UGT1A7: variants seen among roughly 807,000 people sequenced by gnomAD.
The protein encoded by UGT1A7 is UDP-glucuronosyltransferase 1A7.
UGT1A7 carries 33 observed loss-of-function variants against 45.6 expected under a neutral mutation model. The ratio of observed to expected loss-of-function variants is 0.72; its 90% CI spans 0.55 to 0.97. UGT1A7 has a LOEUF of 0.97. Ranked by LOEUF, UGT1A7 falls within the 50% of genes least tolerant of loss-of-function variation. The pLI is 0.00. For missense variants in UGT1A7, 684 were observed against 666.2 expected (o/e 1.03, Z -0.29); for synonymous variants, 274 against 250.6 (o/e 1.09, Z -0.88).
At chr2:233,717,649 C>G in intron 1 of UGT1A7, 1 of 403,118 alleles carries the variant, frequency 2.5e-6, no homozygotes, top group East Asian at 7.2e-5. Context: ...GCGACCAGGA[C>G]AAGGAAGCAT....
chr2:233,720,496 G>A (rs780049805), intron 1 of UGT1A7, among the ~76,000 whole-genome samples: 30 of 152,218 alleles, frequency 2.0e-4, no homozygotes, highest in Middle Eastern at 3.4e-3. Context: ...GAAGGGAAGT[G>A]TTTCTCAGGT....
intron 1 of UGT1A7, chr2:233,719,387 T>C (rs770901552): frequency 8.1e-6 from 13 of 1,613,966 alleles, no homozygotes; most frequent in African/African-American, 1.3e-5. Flanking sequence ...AGTGTCCAAA[T>C]CCTTCCTCCT....
At chr2:233,714,010 T>C in intron 1 of UGT1A7, 1 of 1,531,204 alleles carries the variant, frequency 6.5e-7, no homozygotes, top group Non-Finnish European at 8.8e-7. Flanking sequence ...AGATAAACTT[T>C]TAAAGGGTCA....
intron 4 of UGT1A7, chr2:233,771,305 T>TC (rs1482676837): frequency 1.3e-5 from 2 of 152,218 alleles, no homozygotes. Context: ...TTCCTCCTCC[T>TC]TTTCCCTCTC....
At chr2:233,694,086 G>A (rs45532642) in intron 1 of UGT1A7, among the ~76,000 whole-genome samples, 2 of 152,146 alleles carry the variant, frequency 1.3e-5, no homozygotes, top group Non-Finnish European at 1.5e-5. Context: ...GGCAAGAGTA[G>A]GAGATTTGCT....
intron 1 of UGT1A7, among the ~76,000 whole-genome samples, chr2:233,692,535 A>C (rs1469514981): frequency 6.6e-6 from 1 of 152,282 alleles, no homozygotes; most frequent in African/African-American, 2.4e-5. Context: ...CTCAGAATTC[A>C]GTTCAGAATG....
At chr2:233,745,974 G>A (rs1693271191) in intron 1 of UGT1A7, among the ~76,000 whole-genome samples, 1 of 151,654 alleles carries the variant, frequency 6.6e-6, no homozygotes, top group Non-Finnish European at 1.5e-5. Flanking sequence ...CCCTGAAATG[G>A]GACCATGACA....
chr2:233,690,373 G>A (rs1474964676), intron 1 of UGT1A7: 3 of 883,872 alleles, frequency 3.4e-6, no homozygotes, highest in Non-Finnish European at 4.6e-6. Context: ...CCTCTCCATA[G>A]GGTCCACGTT....
At chr2:233,729,281 A>G (rs2077829135) in intron 1 of UGT1A7, 2 of 1,614,144 alleles carry the variant, frequency 1.2e-6, no homozygotes. Context: ...CGGGAGCTCC[A>G]TGCCAGAGGC....
intron 1 of UGT1A7, among the ~76,000 whole-genome samples, chr2:233,717,290 C>T (rs3806592): frequency 0.42 from 63,446 of 151,946 alleles, 14,273 homozygotes; most frequent in African/African-American, 0.59. Flanking sequence ...ATGTTGCACC[C>T]ACAGCTGAGA....
intron 1 of UGT1A7, among the ~76,000 whole-genome samples, chr2:233,698,607 A>G (rs974774486): frequency 6.6e-6 from 1 of 152,244 alleles, no homozygotes; most frequent in Admixed American, 6.5e-5. Context: ...GGATTAATAA[A>G]CAGTGGAATT....
chr2:233,744,000 G>T, intron 1 of UGT1A7: 1 of 1,221,194 alleles, frequency 8.2e-7, no homozygotes, highest in South Asian at 1.4e-5. Flanking sequence ...CGAGTGCTCG[G>T]AGACCTGGGC....
chr2:233,756,334 A>G (rs1057243294), intron 1 of UGT1A7: 3 of 152,176 alleles, frequency 2.0e-5, no homozygotes, highest in African/African-American at 7.2e-5. Context: ...ACCTCTAGTC[A>G]TCTCTTGATT....
At chr2:233,706,525 T>C (rs1041357366) in intron 1 of UGT1A7, among the ~76,000 whole-genome samples, 2 of 152,202 alleles carry the variant, frequency 1.3e-5, no homozygotes, top group Admixed American at 6.5e-5. Flanking sequence ...TTACAGCGGC[T>C]TAGAAACACA....
chr2:233,712,982 T>C, intron 1 of UGT1A7: 2 of 1,613,208 alleles, frequency 1.2e-6, no homozygotes, highest in Non-Finnish European at 1.7e-6. Context: ...TGTCGGTGGC[T>C]TCTGCTGAGA....
chr2:233,747,991 A>G (rs532442400), intron 1 of UGT1A7: 1 of 1,612,870 alleles, frequency 6.2e-7, no homozygotes, highest in Non-Finnish European at 8.5e-7. Context: ...TTCCGAGGGG[A>G]CTTTGTGATG....
At chr2:233,754,387 G>C in intron 1 of UGT1A7, 1 of 304,284 alleles carries the variant, frequency 3.3e-6, no homozygotes, top group South Asian at 3.1e-5. Context: ...ACAAACAGAG[G>C]TCCTATCCGT....
rs28898583 is a variant in UGT1A7, at chr2:233,699,673, G to A, written c.855+16881G>A. ...CCTGAATACAGGCTGAAACTTTCTCGCTGAGAGGTGATAAAAACAATGAAT... is the reference window on the plus strand; with the variant it reads ...CCTGAATACAGGCTGAAACTTTCTCACTGAGAGGTGATAAAAACAATGAAT... On this transcript the variant is annotated intron_variant, in intron 1 of 4. Coordinates refer to ENST00000373426, the MANE Select transcript of UGT1A7 (RefSeq NM_019077.3). Among the ~76,000 whole-genome samples, 368 of 152,258 alleles carry A rather than the reference G, an allele frequency of 2.4e-3. 1 individual carries two copies. The highest frequency in any genetic ancestry group is 8.3e-3 in the African/African-American group (344 of 41,534).
At position 233,772,691 on chromosome 2, in the gene UGT1A7, T is replaced by G. The variant is rs1314986383; in HGVS notation, c.*132T>G. ...TTGCATAAATTAATCAGCCCCAGAG[T>G]GCTTTAAAAAATTCTCTTAAATAAA... On this transcript the variant is annotated 3_prime_UTR_variant, in exon 5 of 5. Transcript: ENST00000373426. 1 of 1,488,486 alleles carries G rather than the reference T, an allele frequency of 6.7e-7. No individual in the cohort carries two copies. Among genetic ancestry groups the G allele is most frequent in the African/African-American group, 1.4e-5 (1 of 70,486 alleles). The allele number at this position is 1,488,486 out of a possible 1,614,324, so 92.2% of individuals were successfully genotyped here. A position where few individuals can be genotyped will look rare whatever the true frequency, so the allele number is the denominator to read the frequency against.
Sources: gnomAD v4.1 joint callset for allele counts (sites outside exome capture counted in the v4.1 genomes callset) on GRCh38, gnomAD v4.1.1 for gene constraint, MANE v1.5 for transcripts, NCBI Gene and HGNC (gene_info 2026-07-23, HGNC 2026-07-21) for gene names.